The following SLCO1B3 variants were observed in gnomAD, a reference collection of about 807,000 sequenced individuals.
The protein encoded by SLCO1B3 is solute carrier organic anion transporter family member 1B3.
In SLCO1B3, 72 loss-of-function variants were observed where a neutral mutation model predicts 71.8. That is an observed-to-expected ratio of 1.00 (90% confidence interval 0.83 to 1.22). The LOEUF (loss-of-function observed/expected upper bound fraction) is 1.22, where lower values mean the gene tolerates loss of function less well. Ranked by LOEUF, SLCO1B3 falls within the 50% of genes most tolerant of loss-of-function variation. SLCO1B3 has a pLI of 0.00. For synonymous variants in SLCO1B3, 298 were observed against 278.4 expected, an observed-to-expected ratio of 1.07 and a Z score of -0.70; for missense variants, 911 against 819.7, an observed-to-expected ratio of 1.11 and a Z score of -1.36.
chr12:20,820,894 C>A (rs553575368), intron 3 of SLCO1B3, among the ~76,000 whole-genome samples: 63 of 152,174 alleles, frequency 4.1e-4, no homozygotes, highest in Non-Finnish European at 7.8e-4. Flanking sequence ...TGGCTCCAGC[C>A]ACCTTTTTAA....
intron 11 of SLCO1B3, among the ~76,000 whole-genome samples, chr12:20,879,985 G>C (rs1436956576): frequency 1.3e-5 from 2 of 151,912 alleles, no homozygotes; most frequent in Non-Finnish European, 2.9e-5. Context: ...TGAGCTATTA[G>C]AGGTATCAGA....
chr12:20,815,794 A>G lies in SLCO1B3; in HGVS notation c.56A>G (p.Lys19Arg). ...KTAESASSEKKKTRRCNGFKM... is the reference protein window; with the variant it reads ...KTAESASSEKRKTRRCNGFKM... ...GCAGAGTCAGCATCTTCAGAGAAAAAGAAAACAAGACGCTGCAATGGATTC... is the reference window on the plus strand; with the variant it reads ...GCAGAGTCAGCATCTTCAGAGAAAAGGAAAACAAGACGCTGCAATGGATTC... Residue 19 changes from lysine (K) to arginine (R), a missense_variant, in exon 3 of 16, where the codon AAG becomes AGG. Coordinates refer to ENST00000381545, the MANE Select transcript of SLCO1B3 (RefSeq NM_019844.4). 2.5e-6 allele frequency: 4 copies of G among 1,597,944 alleles called. No homozygotes were observed. Among genetic ancestry groups the G allele is most frequent in the African/African-American group, 1.3e-5 (1 of 74,778 alleles).
At chr12:20,883,129 C>A (rs1403799263) in intron 12 of SLCO1B3, among the ~76,000 whole-genome samples, 1 of 151,720 alleles carries the variant, frequency 6.6e-6, no homozygotes, top group Non-Finnish European at 1.5e-5. Context: ...TTAGAACCTG[C>A]CAAAGAGAGT....
At position 20,830,819 on chromosome 12, in the gene SLCO1B3, A is replaced by G. The variant is rs60509905; in HGVS notation, c.84+14997A>G. Among the ~76,000 whole-genome samples the G allele has an allele frequency of 5.6e-3, 859 of 152,360 alleles. 7 individuals are homozygous for G. Among genetic ancestry groups the G allele is most frequent in the African/African-American group, 0.02 (834 of 41,588 alleles). On this transcript the variant is annotated intron_variant, in intron 3 of 15. Coordinates refer to ENST00000381545, the MANE Select transcript of SLCO1B3 (RefSeq NM_019844.4). ...ATAATATTTCAGCAGAATGGCAATC[A>G]TAAGGAAAAAGTATTGGCTAATGCA...
At chr12:20,876,561 T>G (rs942644112) in intron 9 of SLCO1B3, among the ~76,000 whole-genome samples, 1 of 152,102 alleles carries the variant, frequency 6.6e-6, no homozygotes, top group Non-Finnish European at 1.5e-5. Flanking sequence ...GCTGGAGCCT[T>G]GTGTATTCAC....
intron 3 of SLCO1B3, among the ~76,000 whole-genome samples, chr12:20,853,940 T>TTTTTTTTTTTTTTTTTTTTTTTTTG (rs1565589987): frequency 1.3e-5 from 2 of 151,472 alleles, no homozygotes; most frequent in African/African-American, 4.9e-5. Flanking sequence ...GATATTTTAT[T>TTTTTTTTTTTTTTTTTTTTTTTTTG]AATTCTTGTT....
intron 8 of SLCO1B3, among the ~76,000 whole-genome samples, chr12:20,874,804 T>C (rs867236520): frequency 2.0e-5 from 3 of 152,212 alleles, no homozygotes; most frequent in Admixed American, 1.3e-4. Context: ...TGTCTCTAAG[T>C]ATTTTTTGCC....
At chr12:20,897,066 G>A (rs775547848) in intron 13 of SLCO1B3, among the ~76,000 whole-genome samples, 12 of 152,118 alleles carry the variant, frequency 7.9e-5, no homozygotes, top group Non-Finnish European at 1.8e-4. Context: ...CACAACACGT[G>A]GGTATTATGT....
chr12:20,853,616 C>G (rs868869065), intron 3 of SLCO1B3, among the ~76,000 whole-genome samples: 1 of 151,904 alleles, frequency 6.6e-6, no homozygotes, highest in African/African-American at 2.4e-5. Context: ...TTAAGTCTCT[C>G]TCTCTTTTTT....
chr12:20,821,598 C>A (rs996736571), intron 3 of SLCO1B3, among the ~76,000 whole-genome samples: 1 of 151,428 alleles, frequency 6.6e-6, no homozygotes, highest in Non-Finnish European at 1.5e-5. Context: ...CCTAGAAAAG[C>A]GGGACTTGCC....
intron 7 of SLCO1B3, 23 bp downstream of exon 7, chr12:20,862,581 T>C (rs940611821): frequency 3.8e-6 from 6 of 1,572,254 alleles, no homozygotes; most frequent in Non-Finnish European, 5.2e-6. Context: ...ATATATTAAA[T>C]TTCATGATTA....
chr12:20,860,627 G>A (rs1042996412), intron 5 of SLCO1B3, among the ~76,000 whole-genome samples: 35 of 151,794 alleles, frequency 2.3e-4, no homozygotes, highest in African/African-American at 8.0e-4. Flanking sequence ...GTGTGTGTGT[G>A]TGTGTGTGTA....
intron 3 of SLCO1B3, among the ~76,000 whole-genome samples, chr12:20,848,606 G>A (rs1864961746): frequency 1.3e-5 from 2 of 151,994 alleles, no homozygotes; most frequent in Admixed American, 1.3e-4. Context: ...TAGGTGAATA[G>A]GTAAAGAAAC....
intron 15 of SLCO1B3, among the ~76,000 whole-genome samples, chr12:20,913,283 G>A (rs1866422174): frequency 6.6e-6 from 1 of 152,116 alleles, no homozygotes; most frequent in South Asian, 2.1e-4. Context: ...AATACACTAT[G>A]TACCATAGTA....
chr12:20,821,744 A>G (rs1030053818), intron 3 of SLCO1B3, among the ~76,000 whole-genome samples: 1 of 152,146 alleles, frequency 6.6e-6, no homozygotes, highest in Non-Finnish European at 1.5e-5. Context: ...GCTAAGGGTG[A>G]AGGACCAAGG....
At chr12:20,858,370 G>C (rs1292010893) in intron 4 of SLCO1B3, 69 bp from the exon 5 acceptor site, 8 of 1,115,074 alleles carry the variant, frequency 7.2e-6, no homozygotes, top group Non-Finnish European at 5.3e-6. Context: ...GCATTCATTT[G>C]GGGCATTCAG....
At chr12:20,825,091 A>G (rs1864392559) in intron 3 of SLCO1B3, among the ~76,000 whole-genome samples, 1 of 152,176 alleles carries the variant, frequency 6.6e-6, no homozygotes, top group Non-Finnish European at 1.5e-5. Flanking sequence ...TTAAATTTTA[A>G]TCATTTTGAC....
chr12:20,833,053 A>G (rs1196430562), intron 3 of SLCO1B3, among the ~76,000 whole-genome samples: 1 of 152,154 alleles, frequency 6.6e-6, no homozygotes, highest in African/African-American at 2.4e-5. Context: ...TCTAGGGACA[A>G]TACACTTCTT....
At chr12:20,890,818 C>T (rs746901786) in intron 13 of SLCO1B3, among the ~76,000 whole-genome samples, 3 of 152,054 alleles carry the variant, frequency 2.0e-5, no homozygotes, top group African/African-American at 7.2e-5. Flanking sequence ...TATCTAATGC[C>T]AGTATAACTA....
Sources: gnomAD v4.1 joint callset for allele counts (sites outside exome capture counted in the v4.1 genomes callset) on GRCh38, gnomAD v4.1.1 for gene constraint, MANE v1.5 for transcripts, NCBI Gene and HGNC (gene_info 2026-07-23, HGNC 2026-07-21) for gene names.